The following ARMC9 variants were observed in gnomAD, a reference collection of about 807,000 sequenced individuals.
The protein encoded by ARMC9 is armadillo repeat containing 9.
In ARMC9, 94 loss-of-function variants were observed where a neutral mutation model predicts 107.0. The observed-to-expected ratio is 0.88, with a 90% CI of 0.74 to 1.04. The LOEUF is 1.04. Ranked by LOEUF, ARMC9 falls within the 50% of genes least tolerant of loss-of-function variation. ARMC9 has a pLI of 0.00. For synonymous variants in ARMC9, 380 were observed against 396.9 expected (o/e 0.96, Z 0.51); for missense variants, 942 against 1,030.1 (o/e 0.91, Z 1.17).
At chr2:231,262,525 T>G (rs1185590739) in intron 12 of ARMC9, 127 bp downstream of exon 12, 15 of 913,172 alleles carry the variant, frequency 1.6e-5, no homozygotes, top group African/African-American at 5.0e-5. Context: ...AGCCTTGAGC[T>G]CATGAGGTTC....
chr2:231,228,458 G>A (rs575166875), intron 7 of ARMC9, among the ~76,000 whole-genome samples: 3 of 152,328 alleles, frequency 2.0e-5, no homozygotes, highest in South Asian at 2.1e-4. Flanking sequence ...GGCCCTTGAC[G>A]AGAACACCTG....
rs72983662 is a variant in ARMC9, at chr2:231,211,699, T to C, written c.178-3132T>C. 9.6e-3 allele frequency among the ~76,000 whole-genome samples: 1,456 copies of C among 152,326 alleles called. 9 individuals carry two copies. Among genetic ancestry groups the C allele is most frequent in the Non-Finnish European group, 0.015 (1,014 of 68,018 alleles). ...AAGCTGTTTTACAAAGTGGTTATAC[T>C]ATTTTCCATTCCCACCAGCAGTACA... On this transcript the variant is annotated intron_variant, in intron 3 of 24. Transcript: ENST00000611582.
rs890608627 is a variant in ARMC9 at position 231,376,562 on chromosome 2, C to T, written c.*5027C>T. Among the ~76,000 whole-genome samples the T allele has an allele frequency of 6.6e-6, 1 of 152,204 alleles. No homozygotes were observed. Among genetic ancestry groups the T allele is most frequent in the Non-Finnish European group, 1.5e-5 (1 of 68,044 alleles). On this transcript the variant is annotated 3_prime_UTR_variant, in exon 25 of 25. Transcript: ENST00000611582. Reference sequence around the variant, plus strand: ...TTTGGTCAGACCGGTTGCTCTCAAACCCTGTCTCCTGATAAGATGTTATCA... The same window carrying T: ...TTTGGTCAGACCGGTTGCTCTCAAATCCTGTCTCCTGATAAGATGTTATCA...
intron 19 of ARMC9, among the ~76,000 whole-genome samples, chr2:231,308,403 G>A (rs1455975295): frequency 6.6e-6 from 1 of 152,224 alleles, no homozygotes; most frequent in Non-Finnish European, 1.5e-5. Context: ...GCTGGCGTGA[G>A]AGCCTGCAGG....
chr2:231,291,467 G>T (rs745823266), intron 18 of ARMC9, 24 bp downstream of exon 18: 5 of 1,599,262 alleles, frequency 3.1e-6, no homozygotes, highest in East Asian at 2.2e-5. Context: ...AAGAATCTTT[G>T]ATCTATCTTT....
At chr2:231,249,892 TCCACGGGAGGGAGACCACCGCCC>T (rs2037137678) in intron 9 of ARMC9, among the ~76,000 whole-genome samples, 9 of 29,684 alleles carry the variant, frequency 3.0e-4, no homozygotes, top group African/African-American at 1.7e-3. Context: ...CGTGCACACC[TCCACGGGAGGGAGACCACCGCCC>T]ACCCGTGCAC....
intron 7 of ARMC9, among the ~76,000 whole-genome samples, chr2:231,230,884 G>T (rs1021654367): frequency 1.3e-5 from 2 of 152,210 alleles, no homozygotes; most frequent in African/African-American, 4.8e-5. Flanking sequence ...ACCTGAGGTG[G>T]TTGAATCCAC....
intron 24 of ARMC9, 74 bp from the exon 25 acceptor site, chr2:231,371,439 G>T (rs1048825570): frequency 3.8e-6 from 5 of 1,332,832 alleles, no homozygotes; most frequent in Non-Finnish European, 2.9e-6. Flanking sequence ...CTGAAAGAGG[G>T]ACTGAGTGGG....
At chr2:231,304,426 ACT>A (rs1355322720) in intron 19 of ARMC9, among the ~76,000 whole-genome samples, 1 of 152,010 alleles carries the variant, frequency 6.6e-6, no homozygotes, top group Non-Finnish European at 1.5e-5. Flanking sequence ...ACGAAGTCTC[ACT>A]CTATCGCCCA....
intron 5 of ARMC9, among the ~76,000 whole-genome samples, chr2:231,220,596 C>CAAAAAAA: frequency 1.5e-5 from 1 of 66,168 alleles, no homozygotes; most frequent in Non-Finnish European, 3.1e-5. Context: ...GACTCCATCT[C>CAAAAAAA]AAAAAAAAAA....
intron 21 of ARMC9, among the ~76,000 whole-genome samples, chr2:231,349,034 A>G (rs2044929769): frequency 6.6e-6 from 1 of 152,222 alleles, no homozygotes; most frequent in Non-Finnish European, 1.5e-5. Context: ...AGATTCCTCA[A>G]AGAACTAAAA....
intron 19 of ARMC9, among the ~76,000 whole-genome samples, chr2:231,329,615 T>G (rs1022643340): frequency 1.3e-5 from 2 of 152,232 alleles, no homozygotes; most frequent in Admixed American, 1.3e-4. Context: ...GGCAGATTTC[T>G]TTCACTAGAT....
At chr2:231,250,192 C>G (rs904569606) in intron 9 of ARMC9, among the ~76,000 whole-genome samples, 1 of 152,174 alleles carries the variant, frequency 6.6e-6, no homozygotes, top group African/African-American at 2.4e-5. Flanking sequence ...GAGTCCACCC[C>G]GTGTTCAGAA....
At chr2:231,284,578 A>G (rs986097590) in intron 17 of ARMC9, among the ~76,000 whole-genome samples, 10 of 152,206 alleles carry the variant, frequency 6.6e-5, no homozygotes, top group Admixed American at 5.2e-4. Context: ...TTCTCTTGAC[A>G]TGGCAGTTGG....
chr2:231,208,228 A>G lies in ARMC9; in HGVS notation c.153A>G (p.Arg51=). Residue 51 remains arginine (R), a synonymous_variant, in exon 3 of 25, where the codon AGA becomes AGG. Coordinates refer to ENST00000611582, the MANE Select transcript of ARMC9 (RefSeq NM_001352754.2). ...PLCKTVGGSF[R]DSKSLTIQKD... ...GTAAAACAGTAGGCGGATCTTTCAG[A>G]GACTCCAAATCATTGACAATTCAGG... The G allele has an allele frequency of 6.2e-7, 1 of 1,609,702 alleles. No homozygotes were observed. The highest frequency in any genetic ancestry group is 8.5e-7 in the Non-Finnish European group (1 of 1,178,252).
At chr2:231,344,878 C>A in intron 20 of ARMC9, 97 bp from the exon 21 acceptor site, 1 of 1,139,524 alleles carries the variant, frequency 8.8e-7, no homozygotes, top group African/African-American at 1.6e-5. Flanking sequence ...AGCTTCTTAT[C>A]ATTATAGAGT....
chr2:231,335,442 A>T (rs1029583033), intron 20 of ARMC9, among the ~76,000 whole-genome samples: 1 of 152,196 alleles, frequency 6.6e-6, no homozygotes, highest in African/African-American at 2.4e-5. Context: ...ATCCTGGACC[A>T]GTAGCCCACC....
intron 19 of ARMC9, among the ~76,000 whole-genome samples, chr2:231,308,405 G>A (rs2042151703): frequency 6.6e-6 from 1 of 152,218 alleles, no homozygotes; most frequent in Non-Finnish European, 1.5e-5. Flanking sequence ...TGGCGTGAGA[G>A]CCTGCAGGCT....
intron 21 of ARMC9, among the ~76,000 whole-genome samples, chr2:231,352,715 T>C (rs1575166117): frequency 6.6e-6 from 1 of 151,130 alleles, no homozygotes; most frequent in African/African-American, 2.4e-5. Flanking sequence ...AGATGATAGG[T>C]AGGTAGATAG....
Sources: allele counts gnomAD v4.1 joint callset (sites outside exome capture counted in the v4.1 genomes callset), GRCh38; gene constraint gnomAD v4.1.1; transcripts MANE v1.5; gene names NCBI Gene and HGNC (gene_info 2026-07-23, HGNC 2026-07-21).